MAST4: variants seen among roughly 807,000 people sequenced by gnomAD.
MAST4 encodes microtubule associated serine/threonine kinase family member 4, also known as microtubule-associated serine/threonine-protein kinase 4.
MAST4 carries 89 observed loss-of-function variants against 162.7 expected under a neutral mutation model. That is an observed-to-expected ratio of 0.55 (90% CI 0.46 to 0.65). The LOEUF is 0.65. MAST4 is among the 30% of genes least tolerant of loss of function. The pLI is 0.00. For synonymous variants in MAST4, 1,479 were observed against 1,361.1 expected (o/e 1.09, Z -1.91); for missense variants, 3,153 against 3,374.0 (o/e 0.93, Z 1.62).
intron 4 of MAST4, among the ~76,000 whole-genome samples, chr5:66,941,560 T>C (rs984019172): frequency 2.0e-5 from 3 of 152,154 alleles, no homozygotes; most frequent in Non-Finnish European, 4.4e-5. Context: ...TAATCCTCTA[T>C]TCAGACCACC....
chr5:67,070,130 A>G (rs1760770349), intron 5 of MAST4, among the ~76,000 whole-genome samples: 1 of 152,208 alleles, frequency 6.6e-6, no homozygotes, highest in South Asian at 2.1e-4. Context: ...TGGTGCTCTT[A>G]TGCCATTATT....
intron 5 of MAST4, among the ~76,000 whole-genome samples, chr5:67,078,917 T>TATATATAATATATATATATATATATATA (rs1561622061): frequency 1.8e-5 from 1 of 55,108 alleles, no homozygotes; most frequent in African/African-American, 1.1e-4. Context: ...TATAAATATA[T>TATATATAATATATATATATATATATATA]ATATATATAT....
At chr5:67,067,384 G>T (rs576619934) in intron 5 of MAST4, among the ~76,000 whole-genome samples, 1 of 152,272 alleles carries the variant, frequency 6.6e-6, no homozygotes, top group East Asian at 1.9e-4. Flanking sequence ...TCATATGATT[G>T]TTTAAATGGG....
intron 1 of MAST4, among the ~76,000 whole-genome samples, chr5:66,683,672 A>G (rs748204973): frequency 5.9e-5 from 9 of 152,122 alleles, no homozygotes; most frequent in Non-Finnish European, 1.0e-4. Flanking sequence ...CATACAGATG[A>G]CCTGCCTTGG....
chr5:67,130,630 GA>G (rs777480262), intron 15 of MAST4, among the ~76,000 whole-genome samples: 20 of 152,224 alleles, frequency 1.3e-4, no homozygotes, highest in East Asian at 1.2e-3. Flanking sequence ...GCGCTATCTG[GA>G]AAAAGGTTAT....
chr5:66,883,274 G>A (rs1232531968), intron 3 of MAST4, among the ~76,000 whole-genome samples: 1 of 152,100 alleles, frequency 6.6e-6, no homozygotes, highest in Non-Finnish European at 1.5e-5. Context: ...GTGAGCAGTG[G>A]TCTCTTGTGA....
chr5:66,690,308 T>C (rs1186465489), intron 1 of MAST4, among the ~76,000 whole-genome samples: 2 of 152,178 alleles, frequency 1.3e-5, no homozygotes, highest in Non-Finnish European at 2.9e-5. Context: ...TGCGTTGTTA[T>C]TTAGTAAGTA....
intron 1 of MAST4, among the ~76,000 whole-genome samples, chr5:66,693,160 C>T (rs7723370): frequency 1.1e-4 from 17 of 151,964 alleles, no homozygotes; most frequent in African/African-American, 4.1e-4. Flanking sequence ...ATTTAGCAGC[C>T]AATCCCCCGG....
In MAST4 at chr5:67,164,080, G is replaced by A. The variant is rs1773565708; in HGVS notation, c.4901G>A (p.Gly1634Glu). ...RVPAEHRQGG[G>E]DFRRAPAPGT... ...CCTGCGGAGCACCGCCAGGGTGGCG[G>A]GGACTTCAGACGGGCCCCCGCTCCT... The change falls in exon 29 of 29, where the codon GGG (glycine) becomes GAG (glutamate). Residue 1634 changes from glycine (G) to glutamate (E), a missense_variant. Around this residue, in one of 7 missense-constraint regions of MAST4, gnomAD observed 1,644 missense variants for 1,495.0 expected, o/e 1.10. Coordinates refer to ENST00000403625, the MANE Select transcript of MAST4 (RefSeq NM_001164664.2). The surrounding 1 kb of genome is among the most constrained non-coding windows in gnomAD (Gnocchi z 5.3). 2 of 1,570,874 alleles carry A rather than the reference G, an allele frequency of 1.3e-6. No individual in the cohort carries two copies. The highest frequency in any genetic ancestry group is 1.4e-5 in the African/African-American group (1 of 73,810).
intron 3 of MAST4, among the ~76,000 whole-genome samples, chr5:66,864,546 T>G (rs27746): frequency 0.87 from 131,744 of 152,126 alleles, 57,363 homozygotes; most frequent in Non-Finnish European, 0.92. Context: ...TACGGCATCT[T>G]CCCTTGGTAG....
chr5:66,826,513 A>AAAG (rs1332909304), intron 3 of MAST4, among the ~76,000 whole-genome samples: 1 of 152,096 alleles, frequency 6.6e-6, no homozygotes, highest in Non-Finnish European at 1.5e-5. Flanking sequence ...TGGTCACAGA[A>AAAG]AAGATACTTC....
chr5:67,110,334 T>C, intron 11 of MAST4, 135 bp downstream of exon 11: 1 of 644,430 alleles, frequency 1.6e-6, no homozygotes. Context: ...CTTGTGAACG[T>C]TTATGATGAT....
chr5:67,070,859 C>G (rs1457222286), intron 5 of MAST4, among the ~76,000 whole-genome samples: 1 of 152,132 alleles, frequency 6.6e-6, no homozygotes, highest in Non-Finnish European at 1.5e-5. Flanking sequence ...CCTGTCCCTA[C>G]AATCAGAATA....
chr5:67,128,762 AAGTAACT>A (rs200827657), intron 14 of MAST4, among the ~76,000 whole-genome samples: 1,615 of 152,280 alleles, frequency 0.011, 27 homozygotes, highest in African/African-American at 0.035. Context: ...AGGGATGGCT[AAGTAACT>A]AGTGGAAAAT....
Position 66,715,606 on chromosome 5 carries a change from C to CACATGTAT in MAST4, c.364-44098_364-44091dup, listed in dbSNP as rs1750780101. Among the ~76,000 whole-genome samples, 3 of 150,206 alleles carry CACATGTAT rather than the reference C, an allele frequency of 2.0e-5. No homozygotes were observed. The East Asian group carries it at 5.9e-4, about 29-fold the overall frequency. On this transcript the variant is annotated intron_variant, in intron 1 of 28. Coordinates refer to ENST00000403625, the MANE Select transcript of MAST4 (RefSeq NM_001164664.2). ...TAATGGGTGCAGCACACCAACATGGCACATGTATACATATATAATAAACCT... is the reference window on the plus strand; with the variant it reads ...TAATGGGTGCAGCACACCAACATGGCACATGTATACATGTATACATATATAATAAACCT...
chr5:67,081,365 A>G (rs1762630694), intron 5 of MAST4, among the ~76,000 whole-genome samples: 1 of 151,850 alleles, frequency 6.6e-6, no homozygotes, highest in Non-Finnish European at 1.5e-5. Context: ...AAGGGAAGGA[A>G]TTTCAGGTCT....
intron 1 of MAST4, among the ~76,000 whole-genome samples, chr5:66,670,218 A>G (rs1356703978): frequency 1.3e-5 from 2 of 152,178 alleles, no homozygotes; most frequent in African/African-American, 4.8e-5. Flanking sequence ...CCAAGGTCAA[A>G]TATAAATGGC....
At chr5:66,630,133 C>T (rs544260876) in intron 1 of MAST4, among the ~76,000 whole-genome samples, 69 of 152,258 alleles carry the variant, frequency 4.5e-4, no homozygotes, top group African/African-American at 1.4e-3. Context: ...CCAACCAAAT[C>T]AGACTCCTGG....
intron 4 of MAST4, among the ~76,000 whole-genome samples, chr5:66,932,386 G>C (rs1444948988): frequency 6.6e-6 from 1 of 152,084 alleles, no homozygotes; most frequent in Admixed American, 6.6e-5. Flanking sequence ...TATTTTAGCT[G>C]GATAACATGT....
Sources: gnomAD v4.1 joint callset for allele counts (sites outside exome capture counted in the v4.1 genomes callset) on GRCh38, gnomAD v4.1.1 for gene constraint, gnomAD v4.1.1 regional missense constraint, Gnocchi (gnomAD v3.1) non-coding constraint, MANE v1.5 for transcripts, NCBI Gene and HGNC (gene_info 2026-07-23, HGNC 2026-07-21) for gene names.